LRP8: variants seen among roughly 807,000 people sequenced by gnomAD.
The protein encoded by LRP8 is LDL receptor related protein 8, also known as low-density lipoprotein receptor-related protein 8.
Under a neutral mutation model 111.6 loss-of-function variants are expected in LRP8, and 46 were observed. That is an observed-to-expected ratio of 0.41 (90% CI 0.33 to 0.53). The LOEUF (loss-of-function observed/expected upper bound fraction) is 0.53, where lower values mean the gene tolerates loss of function less well. LRP8 is among the 20% of genes least tolerant of loss of function. The probability of loss-of-function intolerance (pLI) is 0.20; values close to 1 mark genes in which losing one functional copy is unlikely to be tolerated. For missense variants in LRP8, 959 were observed against 1,297.4 expected, an observed-to-expected ratio of 0.74 and a Z score of 4.01; for synonymous variants, 464 against 511.2, an observed-to-expected ratio of 0.91 and a Z score of 1.24.
chr1:53,287,151 AGGTTGCTAT>A (rs1647688958), intron 3 of LRP8, among the ~76,000 whole-genome samples: 1 of 152,222 alleles, frequency 6.6e-6, no homozygotes, highest in Non-Finnish European at 1.5e-5. Flanking sequence ...TGGGCCGTGG[AGGTTGCTAT>A]GGCAACACCA....
rs999972772 is a variant in LRP8 at position 53,326,961 on chromosome 1, G to A, written c.156C>T (p.Phe52=). The A allele has an allele frequency of 1.9e-6, 3 of 1,613,668 alleles. No homozygotes were observed. The highest frequency in any genetic ancestry group is 2.7e-5 in the African/African-American group (2 of 74,950). ...GPAKDCEKDQ[F]QCRNERCIPS... ...GGATGCAGCGCTCGTTCCGGCACTGGAATTGGTCCTTTTCGCAATCCTTGG... is the reference window on the plus strand; with the variant it reads ...GGATGCAGCGCTCGTTCCGGCACTGAAATTGGTCCTTTTCGCAATCCTTGG... Residue 52 remains phenylalanine, a synonymous_variant, in exon 2 of 19, where the codon TTC becomes TTT. Transcript: ENST00000306052.
intron 6 of LRP8, among the ~76,000 whole-genome samples, chr1:53,272,008 A>G (rs1232900184): frequency 1.3e-5 from 2 of 151,898 alleles, no homozygotes; most frequent in Non-Finnish European, 2.9e-5. Flanking sequence ...CCCTGTCTGG[A>G]CAGGGCCCAG....
rs1053880809 is a variant in LRP8 at position 53,262,700 on chromosome 1, T to C, written c.1656-136A>G. On this transcript the variant is annotated intron_variant, in intron 10 of 18. Coordinates refer to ENST00000306052, the MANE Select transcript of LRP8 (RefSeq NM_004631.5). The surrounding 1 kb of genome is among the most constrained non-coding windows in gnomAD (Gnocchi z 4.8). ...GACTGAGAAGACCTCTAAAGTTCTT[T>C]TGAACCATCAAATCTTAGATTTAGC... The C allele has an allele frequency of 5.7e-6, 4 of 706,224 alleles. No individual in the cohort carries two copies. Among genetic ancestry groups the C allele is most frequent in the Admixed American group, 2.1e-5 (1 of 46,686 alleles). The allele number at this position is 706,224 out of a possible 1,614,324, so 43.7% of individuals were successfully genotyped here. A position where few individuals can be genotyped will look rare whatever the true frequency, so the allele number is the denominator to read the frequency against.
rs140867298 is a variant in LRP8, at chr1:53,303,606, G to C, written c.245-13917C>G. Among the ~76,000 whole-genome samples the C allele has an allele frequency of 3.6e-4, 55 of 152,286 alleles. No homozygotes were observed. Among genetic ancestry groups the C allele is most frequent in the African/African-American group, 1.2e-3 (50 of 41,548 alleles). ...AAACACACAATTTACAAGTACTTAG[G>C]CTCATTCCGTTGAACGTTAGGACCA... is the stretch of plus-strand genomic sequence containing the variant. On this transcript the variant is annotated intron_variant, in intron 2 of 18. Transcript: ENST00000306052. This position sits in a 1 kb window ranked among gnomAD's most constrained non-coding sequence, Gnocchi z 4.3.
At chr1:53,253,092 C>T (rs1309978147) in intron 16 of LRP8, among the ~76,000 whole-genome samples, 1 of 152,112 alleles carries the variant, frequency 6.6e-6, no homozygotes, top group Non-Finnish European at 1.5e-5. Context: ...ATCTCTACCT[C>T]ATACGATACT....
intron 3 of LRP8, among the ~76,000 whole-genome samples, chr1:53,281,212 C>A (rs1647098953): frequency 6.6e-6 from 1 of 152,198 alleles, no homozygotes. Context: ...ATCGGCCCGC[C>A]TCTAAGCCCC....
intron 2 of LRP8, among the ~76,000 whole-genome samples, chr1:53,313,533 A>G (rs1268603363): frequency 6.6e-6 from 1 of 152,190 alleles, no homozygotes; most frequent in African/African-American, 2.4e-5. Flanking sequence ...AGTGTGGGGA[A>G]ACACAAGGAT....
At chr1:53,310,083 C>T (rs565564367) in intron 2 of LRP8, among the ~76,000 whole-genome samples, 71 of 152,280 alleles carry the variant, frequency 4.7e-4, no homozygotes, top group African/African-American at 1.5e-3. Flanking sequence ...CCCTGGCCTT[C>T]AGGGGGACAG....
Position 53,249,648 on chromosome 1 carries a change from G to T in LRP8, c.2677-92C>A. On this transcript the variant is annotated intron_variant, in intron 17 of 18. Coordinates refer to ENST00000306052, the MANE Select transcript of LRP8 (RefSeq NM_004631.5). The surrounding 1 kb of genome is among the most constrained non-coding windows in gnomAD (Gnocchi z 4.1). Reference sequence around the variant, plus strand: ...ACAGTGACACCTGCTGTGCCACTTTGTGGTCCTCATTCCCCCAAAAAGCCA... The same window carrying T: ...ACAGTGACACCTGCTGTGCCACTTTTTGGTCCTCATTCCCCCAAAAAGCCA... 2 of 1,447,872 alleles carry T rather than the reference G, an allele frequency of 1.4e-6. No homozygotes were observed. Among genetic ancestry groups the T allele is most frequent in the Admixed American group, 2.7e-5 (1 of 37,262 alleles). The allele number at this position is 1,447,872 out of a possible 1,614,324, so 89.7% of individuals were successfully genotyped here. A position where few individuals can be genotyped will look rare whatever the true frequency, so the allele number is the denominator to read the frequency against.
chr1:53,283,494 CACTT>C (rs74716173), intron 3 of LRP8, among the ~76,000 whole-genome samples: 2,841 of 111,128 alleles, frequency 0.026, 12 homozygotes, highest in Middle Eastern at 0.059. Flanking sequence ...ATACCCGGGC[CACTT>C]ACTTACTTAC....
chr1:53,281,547 C>A (rs1284863200), intron 3 of LRP8, among the ~76,000 whole-genome samples: 1 of 152,224 alleles, frequency 6.6e-6, no homozygotes, highest in Non-Finnish European at 1.5e-5. Context: ...ATGTGCCAGG[C>A]ATGGTGCTAG....
chr1:53,321,298 G>T (rs910122019), intron 2 of LRP8, among the ~76,000 whole-genome samples: 2 of 152,192 alleles, frequency 1.3e-5, no homozygotes, highest in Non-Finnish European at 2.9e-5. Flanking sequence ...GGCCTTCAGA[G>T]CCTGGGTGAT....
intron 6 of LRP8, among the ~76,000 whole-genome samples, chr1:53,274,132 A>G (rs1191918378): frequency 2.6e-5 from 4 of 152,250 alleles, no homozygotes; most frequent in African/African-American, 9.6e-5. Flanking sequence ...ACTTCCATCC[A>G]GGTCTCGCTT....
rs765502528 is a variant in LRP8, at chr1:53,247,061, G to A, written c.2854-5C>T. 7.5e-6 allele frequency: 12 copies of A among 1,592,248 alleles called. No homozygotes were observed. The highest frequency in any genetic ancestry group is 1.0e-5 in the Non-Finnish European group (12 of 1,171,864). ...TTCAAGGCTTAATGCCACTCGCTGGGGAGACAAACCAAAGAATTCATCATT... is the reference window on the plus strand; with the variant it reads ...TTCAAGGCTTAATGCCACTCGCTGGAGAGACAAACCAAAGAATTCATCATT... On this transcript the variant is annotated splice_polypyrimidine_tract_variant and splice_region_variant and intron_variant, in intron 18 of 18. Coordinates refer to ENST00000306052, the MANE Select transcript of LRP8 (RefSeq NM_004631.5).
chr1:53,281,152 T>G (rs192108146), intron 3 of LRP8, among the ~76,000 whole-genome samples: 1 of 152,170 alleles, frequency 6.6e-6, no homozygotes, highest in Non-Finnish European at 1.5e-5. Context: ...AGTGACTCCA[T>G]GATTGGAACC....
Position 53,327,940 on chromosome 1 carries a change from C to CG in LRP8, c.-29_-28insC, listed in dbSNP as rs1194199265. 5.3e-6 allele frequency: 6 copies of CG among 1,122,952 alleles called. No individual in the cohort carries two copies. The highest frequency in any genetic ancestry group is 6.5e-6 in the Non-Finnish European group (6 of 921,016). 69.6% of individuals were successfully genotyped at this position (1,122,952 alleles called of 1,614,324 possible). A position where few individuals can be genotyped will look rare whatever the true frequency, so the allele number is the denominator to read the frequency against. ...CGGGCCCGGGGCTCCGGCCGCCGCG[C>CG]CCCGCGCTCCCCGCGCCGCCGCCGC... On this transcript the variant is annotated 5_prime_UTR_variant, in exon 1 of 19. Coordinates refer to ENST00000306052, the MANE Select transcript of LRP8 (RefSeq NM_004631.5).
intron 13 of LRP8, among the ~76,000 whole-genome samples, chr1:53,259,944 G>A (rs991651647): frequency 2.0e-5 from 3 of 152,160 alleles, no homozygotes; most frequent in Non-Finnish European, 4.4e-5. Context: ...TAGAATTAAT[G>A]TATCCTAGTG....
chr1:53,323,717 C>T (rs752238923), intron 2 of LRP8, among the ~76,000 whole-genome samples: 5 of 152,248 alleles, frequency 3.3e-5, no homozygotes, highest in East Asian at 1.9e-4. Context: ...GGATGAGGCT[C>T]GGGACTTAGA....
In LRP8 at chr1:53,245,482, C is replaced by G. The variant is rs780327888; in HGVS notation, c.*1536G>C. On this transcript the variant is annotated 3_prime_UTR_variant, in exon 19 of 19. Coordinates refer to ENST00000306052, the MANE Select transcript of LRP8 (RefSeq NM_004631.5). ...CCACAAGTAGAAAAGAGCACTTCTC[C>G]CTTCCTCCCCCAAGGCCAAGAAAAG... 10 of 152,186 alleles carry G rather than the reference C, an allele frequency of 6.6e-5. No homozygotes were observed. Among genetic ancestry groups the G allele is most frequent in the Non-Finnish European group, 1.3e-4 (9 of 68,038 alleles). The allele number at this position is 152,186 out of a possible 1,614,324, so 9.4% of individuals were successfully genotyped here.
Sources: allele counts gnomAD v4.1 joint callset (sites outside exome capture counted in the v4.1 genomes callset), GRCh38; gene constraint gnomAD v4.1.1; non-coding constraint Gnocchi (gnomAD v3.1); transcripts MANE v1.5; gene names NCBI Gene and HGNC (gene_info 2026-07-23, HGNC 2026-07-21).